The following PTPRT variants were observed in gnomAD, a reference collection of about 807,000 sequenced individuals.
PTPRT encodes the protein receptor-type tyrosine-protein phosphatase T.
In PTPRT, 56 loss-of-function variants were observed where a neutral mutation model predicts 176.8. The observed-to-expected ratio is 0.32, with a 90% CI of 0.26 to 0.40. PTPRT has a LOEUF of 0.40. PTPRT is among the 10% of genes least tolerant of loss of function. The pLI is 1.00. For synonymous variants in PTPRT, 783 were observed against 739.0 expected (o/e 1.06, Z -0.96); for missense variants, 1,540 against 1,908.2 (o/e 0.81, Z 3.60).
chr20:42,632,679 C>G (rs2145894927), intron 7 of PTPRT, among the ~76,000 whole-genome samples: 1 of 149,294 alleles, frequency 6.7e-6, no homozygotes, highest in East Asian at 1.9e-4. Context: ...CTATATTTTA[C>G]TATATTTATT....
chr20:42,884,418 C>T (rs1600517398), intron 2 of PTPRT, among the ~76,000 whole-genome samples: 2 of 152,246 alleles, frequency 1.3e-5, no homozygotes, highest in African/African-American at 2.4e-5. Context: ...CACACCCTCA[C>T]CTGGGCATCT....
chr20:42,672,281 C>T (rs555502899), intron 7 of PTPRT, among the ~76,000 whole-genome samples: 1 of 152,298 alleles, frequency 6.6e-6, no homozygotes, highest in East Asian at 1.9e-4. Context: ...AAAGACTAGA[C>T]TGGCTTAGTC....
chr20:42,306,912 G>T (rs1401531148), intron 12 of PTPRT, among the ~76,000 whole-genome samples: 1 of 152,184 alleles, frequency 6.6e-6, no homozygotes. Context: ...AAAAAATGTA[G>T]TCACTTTGTG....
At chr20:42,937,451 G>A (rs991118163) in intron 1 of PTPRT, among the ~76,000 whole-genome samples, 1 of 152,240 alleles carries the variant, frequency 6.6e-6, no homozygotes, top group Non-Finnish European at 1.5e-5. Flanking sequence ...GTCTCTCCCT[G>A]TAAACTTGCA....
chr20:42,899,009 C>G (rs959946224), intron 1 of PTPRT, among the ~76,000 whole-genome samples: 8 of 152,132 alleles, frequency 5.3e-5, no homozygotes, highest in African/African-American at 1.9e-4. Context: ...AGCATGGGAG[C>G]AGATGCAGGG....
intron 6 of PTPRT, among the ~76,000 whole-genome samples, chr20:42,718,458 A>T (rs947067555): frequency 6.6e-6 from 1 of 152,222 alleles, no homozygotes; most frequent in East Asian, 1.9e-4. Flanking sequence ...AATGGCGTGA[A>T]CCCAGGGGGC....
At chr20:42,800,928 C>A (rs565470689) in intron 2 of PTPRT, among the ~76,000 whole-genome samples, 2 of 152,238 alleles carry the variant, frequency 1.3e-5, no homozygotes, top group South Asian at 4.2e-4. Context: ...ATCTCCCTTA[C>A]CACGACTGGG....
intron 22 of PTPRT, 69 bp from the exon 23 acceptor site, chr20:42,110,556 G>A: frequency 4.0e-6 from 6 of 1,508,656 alleles, no homozygotes; most frequent in Non-Finnish European, 5.4e-6. Flanking sequence ...AACACGTGGA[G>A]CCATAGCTGC....
At position 42,080,874 on chromosome 20, in the gene PTPRT, T is replaced by C. The variant is rs768027283; in HGVS notation, c.*5A>G. The C allele has an allele frequency of 8.1e-6, 13 of 1,608,280 alleles. No individual in the cohort carries two copies. The highest frequency in any genetic ancestry group is 6.7e-5 in the Admixed American group (4 of 59,952). The stretch of plus-strand genomic sequence containing the variant: ...GGACTCCGGCAGGTTCCCCATCCCA[T>C]TGAGCTAAAAGGAGCTTAAATATTC... On this transcript the variant is annotated 3_prime_UTR_variant, in exon 31 of 31. Transcript: ENST00000373187.
chr20:42,119,912 C>G, intron 20 of PTPRT, 23 bp downstream of exon 20: 5 of 1,602,398 alleles, frequency 3.1e-6, no homozygotes, highest in Non-Finnish European at 4.3e-6. Flanking sequence ...CTCTGAGGCA[C>G]TAGGTGGAGG....
rs555486860 is a variant in PTPRT at position 43,037,736 on chromosome 20, G to T, written c.89-151804C>A. Among the ~76,000 whole-genome samples the T allele has an allele frequency of 5.9e-5, 9 of 152,098 alleles. 1 individual carries two copies. In the South Asian group the frequency reaches 1.9e-3, roughly 32 times the overall value. On this transcript the variant is annotated intron_variant, in intron 1 of 30. Transcript: ENST00000373187. ...CCTCTCTTCCACATAACCCTCATTGGGTACACCTATGACAGAGGCATACAG... is the reference window on the plus strand; with the variant it reads ...CCTCTCTTCCACATAACCCTCATTGTGTACACCTATGACAGAGGCATACAG...
At chr20:42,092,151 CA>C (rs571421186) in intron 27 of PTPRT, among the ~76,000 whole-genome samples, 10 of 152,164 alleles carry the variant, frequency 6.6e-5, no homozygotes, top group African/African-American at 1.9e-4. Context: ...GCAACAGGGT[CA>C]GGGGAAGATG....
intron 7 of PTPRT, among the ~76,000 whole-genome samples, chr20:42,483,549 T>A (rs1024045901): frequency 2.0e-5 from 3 of 152,216 alleles, no homozygotes; most frequent in Non-Finnish European, 4.4e-5. Flanking sequence ...CAGTTGGGTA[T>A]GTGTCCCACC....
At chr20:42,308,399 G>A (rs928468851) in intron 12 of PTPRT, among the ~76,000 whole-genome samples, 6 of 151,992 alleles carry the variant, frequency 3.9e-5, no homozygotes, top group African/African-American at 1.5e-4. Flanking sequence ...GAGTCAAGGC[G>A]GTCATCAGCT....
At chr20:42,853,260 A>G (rs562691387) in intron 2 of PTPRT, among the ~76,000 whole-genome samples, 104 of 152,360 alleles carry the variant, frequency 6.8e-4, no homozygotes, top group Middle Eastern at 3.4e-3. Flanking sequence ...CCAGAGAAAT[A>G]GAACCGACAG....
chr20:42,918,996 A>G (rs73910621), intron 1 of PTPRT, among the ~76,000 whole-genome samples: 10,374 of 152,282 alleles, frequency 0.068, 993 homozygotes, highest in African/African-American at 0.21. Context: ...GATTTTGCAT[A>G]GCAAAGGACA....
At chr20:42,559,753 T>C (rs2072919675) in intron 7 of PTPRT, among the ~76,000 whole-genome samples, 1 of 152,252 alleles carries the variant, frequency 6.6e-6, no homozygotes, top group Non-Finnish European at 1.5e-5. Flanking sequence ...GAAATAACCA[T>C]AATGCAATTG....
chr20:42,648,134 G>C (rs2074947659), intron 7 of PTPRT, among the ~76,000 whole-genome samples: 1 of 152,106 alleles, frequency 6.6e-6, no homozygotes, highest in South Asian at 2.1e-4. Context: ...TAAAGACCCT[G>C]GGCCTTGGGG....
chr20:42,517,790 A>G (rs1367670118), intron 7 of PTPRT, among the ~76,000 whole-genome samples: 1 of 152,012 alleles, frequency 6.6e-6, no homozygotes, highest in Non-Finnish European at 1.5e-5. Flanking sequence ...AGATTTTAAA[A>G]TAAAGTTACT....
Sources: gnomAD v4.1 joint callset for allele counts (sites outside exome capture counted in the v4.1 genomes callset) on GRCh38, gnomAD v4.1.1 for gene constraint, MANE v1.5 for transcripts, NCBI Gene and HGNC (gene_info 2026-07-23, HGNC 2026-07-21) for gene names.